The following ZYG11B variants were observed in gnomAD, a reference collection of about 807,000 sequenced individuals.
ZYG11B encodes the protein zyg-11 family member B, cell cycle regulator, also known as protein zyg-11 homolog B.
ZYG11B carries 36 observed loss-of-function variants against 82.4 expected under a neutral mutation model. The ratio of observed to expected loss-of-function variants is 0.44; its 90% CI spans 0.33 to 0.58. The LOEUF is 0.58. Among genes scored for constraint, ZYG11B ranks in the 20% least tolerant of loss-of-function variants. ZYG11B has a pLI of 0.02. For synonymous variants in ZYG11B, 303 were observed against 312.8 expected (o/e 0.97, Z 0.33); for missense variants, 552 against 895.6 (o/e 0.62, Z 4.90).
At chr1:52,756,975 A>T (rs1571754490) in intron 2 of ZYG11B, among the ~76,000 whole-genome samples, 1 of 150,294 alleles carries the variant, frequency 6.7e-6, no homozygotes, top group Non-Finnish European at 1.5e-5. Context: ...GTGCCACCAC[A>T]TCTGGCTAAT....
rs1164199052 is a variant in ZYG11B at position 52,797,169 on chromosome 1, A to AT, written c.1485+387dup. Among the ~76,000 whole-genome samples the AT allele has an allele frequency of 2.3e-3, 158 of 67,670 alleles. 2 individuals carry two copies. The highest frequency in any genetic ancestry group is 0.013 in the African/African-American group (150 of 11,234). The allele number at this position is 67,670 out of a possible 152,430, so 44.4% of individuals were successfully genotyped here. A position where few individuals can be genotyped will look rare whatever the true frequency, so the allele number is the denominator to read the frequency against. On this transcript the variant is annotated intron_variant, in intron 8 of 13. Transcript: ENST00000294353. ...TATATTATATATTTATATATTATAT[A>AT]TTATATATATTTATATATTATATAT...
intron 8 of ZYG11B, among the ~76,000 whole-genome samples, chr1:52,799,486 C>CA (rs57224108): frequency 0.097 from 10,998 of 113,796 alleles, 678 homozygotes; most frequent in African/African-American, 0.21. Flanking sequence ...GGCTCTGTCT[C>CA]AAAAAAAAAA....
chr1:52,813,511 T>C, intron 10 of ZYG11B, 25 bp from the exon 11 acceptor site: 2 of 1,547,336 alleles, frequency 1.3e-6, no homozygotes, highest in Non-Finnish European at 1.8e-6. Context: ...TACATTAATT[T>C]TTATATTTTC....
intron 6 of ZYG11B, among the ~76,000 whole-genome samples, chr1:52,790,773 C>CTTTTTTTTTTTTTTTTTTT: frequency 1.3e-5 from 1 of 77,694 alleles, no homozygotes; most frequent in Non-Finnish European, 2.2e-5. Context: ...GTCCAGTGTT[C>CTTTTTTTTTTTTTTTTTTT]TTTTTTTTTT....
intron 4 of ZYG11B, among the ~76,000 whole-genome samples, chr1:52,782,830 A>G (rs1030256577): frequency 6.6e-6 from 1 of 152,092 alleles, no homozygotes; most frequent in Non-Finnish European, 1.5e-5. Context: ...TGTGTTGCCC[A>G]GGCTAGTCTC....
chr1:52,803,255 TATATATATATACACACACACACAC>T lies in ZYG11B; in HGVS notation c.1695+1128_1695+1151del, dbSNP rs1476376429. The stretch of plus-strand genomic sequence containing the variant: ...ATATATATATACACACACACATATA[TATATATATATACACACACACACAC>T]ATATATATATATATATATACACATA... On this transcript the variant is annotated intron_variant, in intron 10 of 13. Coordinates refer to ENST00000294353, the MANE Select transcript of ZYG11B (RefSeq NM_024646.3). 1.8e-3 allele frequency among the ~76,000 whole-genome samples: 152 copies of T among 82,950 alleles called. 9 individuals are homozygous for T. Among genetic ancestry groups the T allele is most frequent in the African/African-American group, 5.8e-3 (112 of 19,390 alleles). 54.4% of individuals were successfully genotyped at this position (82,950 alleles called of 152,430 possible).
At chr1:52,796,467 G>C (rs1291368088) in intron 7 of ZYG11B, 76 bp downstream of exon 7, 1 of 1,249,496 alleles carries the variant, frequency 8.0e-7, no homozygotes, top group African/African-American at 1.5e-5. Flanking sequence ...CCCAAAAGCT[G>C]TGTGCCAGAA....
chr1:52,766,729 C>T (rs1644692468), intron 2 of ZYG11B, among the ~76,000 whole-genome samples: 1 of 152,144 alleles, frequency 6.6e-6, no homozygotes, highest in Non-Finnish European at 1.5e-5. Flanking sequence ...TTTTTATAGG[C>T]CAGGCACAGT....
At chr1:52,802,693 AAG>A (rs148334695) in intron 10 of ZYG11B, among the ~76,000 whole-genome samples, 8,577 of 150,224 alleles carry the variant, frequency 0.057, 318 homozygotes, top group African/African-American at 0.1. Context: ...CAAAAAAAGA[AAG>A]AGAGAGAGAG....
At position 52,813,703 on chromosome 1, in the gene ZYG11B, T is replaced by C. The variant is rs775113287; in HGVS notation, c.1863T>C (p.Arg621=). 7 of 1,614,040 alleles carry C rather than the reference T, an allele frequency of 4.3e-6. No homozygotes were observed. The highest frequency in any genetic ancestry group is 5.9e-6 in the Non-Finnish European group (7 of 1,180,036). The part of the protein sequence containing the change: ...SRGEQAWTLS[R]SQRNSLLDDL... ...GTGAACAAGCTTGGACATTGAGTCG[T>C]AGCCAGAGGAATTCTCTGCTGGATG... is the stretch of plus-strand genomic sequence containing the variant. The change falls in exon 11 of 14, where the codon CGT becomes CGC. Residue 621 remains arginine, a synonymous_variant. Coordinates refer to ENST00000294353, the MANE Select transcript of ZYG11B (RefSeq NM_024646.3).
At chr1:52,816,775 G>GTTT in intron 13 of ZYG11B, 146 bp downstream of exon 13, 1 of 484,028 alleles carries the variant, frequency 2.1e-6, no homozygotes, top group Non-Finnish European at 3.6e-6. Context: ...TAAACTTAAG[G>GTTT]TATTCTTTTT....
chr1:52,753,847 C>T (rs935121633), intron 1 of ZYG11B, among the ~76,000 whole-genome samples: 3 of 152,094 alleles, frequency 2.0e-5, no homozygotes, highest in South Asian at 2.1e-4. Context: ...CCACCCGCCT[C>T]GGCCTCCCAA....
chr1:52,728,351 A>G (rs758989375), intron 1 of ZYG11B, among the ~76,000 whole-genome samples: 90 of 152,288 alleles, frequency 5.9e-4, no homozygotes, highest in Admixed American at 1.0e-3. Flanking sequence ...TGAACTCCTG[A>G]GGTCAAGTGA....
chr1:52,815,258 T>C (rs1645213728), intron 12 of ZYG11B, among the ~76,000 whole-genome samples: 1 of 152,098 alleles, frequency 6.6e-6, no homozygotes, highest in Non-Finnish European at 1.5e-5. Context: ...TCCCAACACT[T>C]TGAGAGACTG....
intron 6 of ZYG11B, among the ~76,000 whole-genome samples, chr1:52,793,782 C>T (rs1025531002): frequency 3.9e-5 from 6 of 152,064 alleles, no homozygotes; most frequent in African/African-American, 7.2e-5. Context: ...TATGGCCCCA[C>T]GCTAAAGTCC....
At chr1:52,772,752 A>G (rs1571767198) in intron 3 of ZYG11B, 2 of 611,736 alleles carry the variant, frequency 3.3e-6, no homozygotes, top group East Asian at 5.7e-5. Flanking sequence ...ATCTTGGCTC[A>G]CTGCAAGCTC....
chr1:52,780,031 A>G, intron 4 of ZYG11B, 38 bp downstream of exon 4: 1 of 1,598,954 alleles, frequency 6.3e-7, no homozygotes, highest in Non-Finnish European at 8.5e-7. Context: ...TTTTGAAATG[A>G]TCTCCCTGGG....
At chr1:52,776,478 G>A (rs2149942506) in intron 3 of ZYG11B, among the ~76,000 whole-genome samples, 1 of 147,240 alleles carries the variant, frequency 6.8e-6, no homozygotes, top group South Asian at 2.1e-4. Context: ...AGGTTGCAGT[G>A]AGCCAAGATT....
At chr1:52,750,334 G>A (rs1356140508) in intron 1 of ZYG11B, among the ~76,000 whole-genome samples, 8 of 150,126 alleles carry the variant, frequency 5.3e-5, no homozygotes, top group Admixed American at 2.0e-4. Flanking sequence ...GTGCAGTGGC[G>A]CAATCTCGGC....
Sources: gnomAD v4.1 joint callset for allele counts (sites outside exome capture counted in the v4.1 genomes callset) on GRCh38, gnomAD v4.1.1 for gene constraint, MANE v1.5 for transcripts, NCBI Gene and HGNC (gene_info 2026-07-23, HGNC 2026-07-21) for gene names.